Variants in ATP10B observed in about 807,000 individuals in gnomAD.
ATP10B encodes the protein ATPase phospholipid transporting 10B (putative), also known as phospholipid-transporting ATPase VB.
ATP10B carries 122 observed loss-of-function variants against 141.2 expected under a neutral mutation model. The ratio of observed to expected loss-of-function variants is 0.86; its 90% CI spans 0.75 to 1.00. The LOEUF (loss-of-function observed/expected upper bound fraction) is 1.00, where lower values mean the gene tolerates loss of function less well. ATP10B is among the 50% of genes least tolerant of loss of function. ATP10B has a pLI of 0.00. For synonymous variants in ATP10B, 685 were observed against 692.0 expected, an observed-to-expected ratio of 0.99 and a Z score of 0.16; for missense variants, 1,876 against 1,825.3, an observed-to-expected ratio of 1.03 and a Z score of -0.51.
intron 2 of ATP10B, among the ~76,000 whole-genome samples, chr5:160,759,666 C>T (rs1350909508): frequency 2.6e-5 from 4 of 152,024 alleles, no homozygotes; most frequent in Admixed American, 1.3e-4. Flanking sequence ...ATGTCTATAC[C>T]CCAAGGAATA....
intron 1 of ATP10B, among the ~76,000 whole-genome samples, chr5:160,840,108 G>T (rs1775719947): frequency 6.6e-6 from 1 of 151,910 alleles, no homozygotes; most frequent in African/African-American, 2.4e-5. Flanking sequence ...TGGAAAGATG[G>T]CCCTTGTTCT....
chr5:160,891,419 T>A, the ATP10B span, among the ~76,000 whole-genome samples: 1 of 152,176 alleles, frequency 6.6e-6, no homozygotes, highest in Non-Finnish European at 1.5e-5. Context: ...GCTTTTTATC[T>A]AAAAACCAGT....
At chr5:160,826,900 C>G (rs1288268165) in intron 1 of ATP10B, among the ~76,000 whole-genome samples, 1 of 152,124 alleles carries the variant, frequency 6.6e-6, no homozygotes, top group Non-Finnish European at 1.5e-5. Flanking sequence ...TTGGTCAGAT[C>G]GGTTCTCTGC....
the ATP10B span, among the ~76,000 whole-genome samples, chr5:160,882,015 A>G: frequency 5.9e-3 from 900 of 152,304 alleles, 10 homozygotes; most frequent in Non-Finnish European, 9.8e-3. Flanking sequence ...GCCAATCTAA[A>G]GAGGCTACAA....
At chr5:160,638,407 C>T (rs780034448) in intron 10 of ATP10B, among the ~76,000 whole-genome samples, 4 of 152,146 alleles carry the variant, frequency 2.6e-5, no homozygotes, top group Non-Finnish European at 5.9e-5. Context: ...CCTGAAAAAC[C>T]TGTCCTGAAG....
intron 2 of ATP10B, among the ~76,000 whole-genome samples, chr5:160,744,246 C>T (rs1191625708): frequency 6.6e-6 from 1 of 152,160 alleles, no homozygotes; most frequent in African/African-American, 2.4e-5. Flanking sequence ...GCTGGAAACA[C>T]CCTCTGGCCT....
chr5:160,663,014 T>C (rs1762050574), intron 7 of ATP10B, among the ~76,000 whole-genome samples: 1 of 152,216 alleles, frequency 6.6e-6, no homozygotes, highest in African/African-American at 2.4e-5. Flanking sequence ...AAGACATTGA[T>C]GCAGCCAAAA....
At chr5:160,687,684 G>C (rs1763841355) in intron 5 of ATP10B, 116 bp downstream of exon 5, 2 of 1,224,356 alleles carry the variant, frequency 1.6e-6, no homozygotes, top group Admixed American at 2.4e-5. Flanking sequence ...AGATTCCCTT[G>C]AACCCAGGAG....
chr5:160,649,209 C>G lies in ATP10B; in HGVS notation c.723G>C (p.Glu241Asp), dbSNP rs1266536450. ...PELFHNTIVCEKPNNHLNKFK... is the reference protein window; with the variant it reads ...PELFHNTIVCDKPNNHLNKFK... ...ATTTGTTGAGGTGGTTGTTGGGTTT[C>G]TCACACACGATGGTATTGTGGAAAA... Residue 241 changes from glutamate (E) to aspartate (D), a missense_variant, in exon 8 of 26, where the codon GAG becomes GAC. Physicochemically the swap from Glu to Asp is conservative, Grantham distance 45. Coordinates refer to ENST00000327245, the MANE Select transcript of ATP10B (RefSeq NM_025153.3). The G allele has an allele frequency of 6.2e-7, 1 of 1,613,990 alleles. No individual in the cohort carries two copies. The highest frequency in any genetic ancestry group is 8.5e-7 in the Non-Finnish European group (1 of 1,179,920).
the ATP10B span, among the ~76,000 whole-genome samples, chr5:160,858,585 G>A: frequency 1.3e-5 from 2 of 151,796 alleles, no homozygotes; most frequent in African/African-American, 2.4e-5. Flanking sequence ...TGTTTTAATT[G>A]GCATAATCAC....
At chr5:160,684,375 A>G (rs1354812868) in intron 6 of ATP10B, among the ~76,000 whole-genome samples, 1 of 152,204 alleles carries the variant, frequency 6.6e-6, no homozygotes, top group Non-Finnish European at 1.5e-5. Flanking sequence ...CAGAGGTTAT[A>G]TTGCTTGTCT....
chr5:160,836,010 T>C (rs1394090412), intron 1 of ATP10B, among the ~76,000 whole-genome samples: 1 of 152,106 alleles, frequency 6.6e-6, no homozygotes, highest in African/African-American at 2.4e-5. Flanking sequence ...GAAACTCAAA[T>C]ACCACATGTT....
chr5:160,673,578 C>T (rs1293939402), intron 6 of ATP10B, among the ~76,000 whole-genome samples: 1 of 152,006 alleles, frequency 6.6e-6, no homozygotes, highest in East Asian at 1.9e-4. Context: ...CCCCATCTCC[C>T]CCCAACCCTC....
intron 5 of ATP10B, among the ~76,000 whole-genome samples, chr5:160,686,519 G>A (rs568397347): frequency 6.6e-6 from 1 of 152,180 alleles, no homozygotes; most frequent in East Asian, 1.9e-4. Context: ...TGAGATTTTG[G>A]TGCATCCATC....
intron 7 of ATP10B, among the ~76,000 whole-genome samples, chr5:160,652,828 T>C (rs1429749978): frequency 9.4e-6 from 1 of 106,120 alleles, no homozygotes; most frequent in Non-Finnish European, 1.8e-5. Context: ...ATATTAATTA[T>C]ATATAATATA....
At chr5:160,854,351 C>T (rs879507290), upstream of ATP10B, among the ~76,000 whole-genome samples, 8 of 152,032 alleles carry the variant, frequency 5.3e-5, no homozygotes, top group Non-Finnish European at 1.2e-4. Flanking sequence ...TGACAGGCCC[C>T]AGTGTGTGAT....
chr5:160,660,266 T>A (rs1761818595), intron 7 of ATP10B, among the ~76,000 whole-genome samples: 1 of 152,238 alleles, frequency 6.6e-6, no homozygotes, highest in Non-Finnish European at 1.5e-5. Flanking sequence ...CATGTACTTA[T>A]TGTGGTTTCT....
In ATP10B at chr5:160,586,085, C is replaced by G. The variant is rs369495634; in HGVS notation, c.3750+3507G>C. ...ATCAACCTGTCATCTAGGTTTTAAG[C>G]CCTGCATGCATTAGGTATTTGTCCT... is the stretch of plus-strand genomic sequence containing the variant. On this transcript the variant is annotated intron_variant, in intron 24 of 25. Transcript: ENST00000327245. Among the ~76,000 whole-genome samples the G allele has an allele frequency of 1.6e-4, 25 of 152,250 alleles. 2 individuals carry two copies. Among genetic ancestry groups the G allele is most frequent in the Admixed American group, 9.8e-4 (15 of 15,296 alleles).
At chr5:160,613,127 G>T (rs1022043923) in intron 17 of ATP10B, among the ~76,000 whole-genome samples, 3 of 152,174 alleles carry the variant, frequency 2.0e-5, no homozygotes, top group African/African-American at 7.2e-5. Context: ...TTATAACTGA[G>T]CTATATAATG....
Sources: gnomAD v4.1 joint callset for allele counts (sites outside exome capture counted in the v4.1 genomes callset) on GRCh38, gnomAD v4.1.1 for gene constraint, MANE v1.5 for transcripts, NCBI Gene and HGNC (gene_info 2026-07-23, HGNC 2026-07-21) for gene names.